The following COL11A1 variants were observed in gnomAD, a reference collection of about 807,000 sequenced individuals.
COL11A1 encodes collagen type XI alpha 1 chain.
Under a neutral mutation model 265.2 loss-of-function variants are expected in COL11A1, and 74 were observed. That is an observed-to-expected ratio of 0.28 (90% CI 0.23 to 0.34). The LOEUF is 0.34. Among genes scored for constraint, COL11A1 ranks in the 10% least tolerant of loss-of-function variants. The pLI is 1.00. For missense variants in COL11A1, 2,165 were observed against 2,263.6 expected (o/e 0.96, Z 0.88); for synonymous variants, 816 against 727.6 (o/e 1.12, Z -1.96).
chr1:103,086,705 C>T (rs560196447), intron 1 of COL11A1, among the ~76,000 whole-genome samples: 64 of 152,264 alleles, frequency 4.2e-4, no homozygotes, highest in African/African-American at 1.4e-3. Context: ...CGTGAGCCAC[C>T]GCGCCCGGCA....
At chr1:102,903,371 T>A (rs1011549019) in intron 54 of COL11A1, among the ~76,000 whole-genome samples, 1 of 152,176 alleles carries the variant, frequency 6.6e-6, no homozygotes, top group African/African-American at 2.4e-5. Flanking sequence ...ATGCGTAAGA[T>A]TCAATCACAG....
chr1:102,905,328 C>G, intron 54 of COL11A1, among the ~76,000 whole-genome samples: 1 of 147,790 alleles, frequency 6.8e-6, no homozygotes, highest in African/African-American at 2.5e-5. Flanking sequence ...ACATATGTAA[C>G]AAACCTACAG....
chr1:102,996,169 T>G (rs1664606757), intron 26 of COL11A1, 127 bp from the exon 27 acceptor site: 2 of 885,792 alleles, frequency 2.3e-6, no homozygotes, highest in Non-Finnish European at 1.8e-6. Context: ...TGATAAAGAC[T>G]TTTTGGTAGT....
At chr1:103,092,247 T>C (rs143426049) in intron 1 of COL11A1, among the ~76,000 whole-genome samples, 1,588 of 152,208 alleles carry the variant, frequency 0.01, 17 homozygotes, top group Non-Finnish European at 0.017. Flanking sequence ...TGAATATGGT[T>C]CAATACATAA....
In COL11A1 at chr1:102,939,224, C is replaced by T. The variant is rs892008266; in HGVS notation, c.3385-136G>A. 13 of 808,296 alleles carry T rather than the reference C, an allele frequency of 1.6e-5. No homozygotes were observed. The South Asian group carries it at 1.8e-4, about 11-fold the overall frequency. The allele number at this position is 808,296 out of a possible 1,614,324, so 50.1% of individuals were successfully genotyped here. A position where few individuals can be genotyped will look rare whatever the true frequency, so the allele number is the denominator to read the frequency against. Reference sequence around the variant, plus strand: ...AATGTCACTGTTTAAAATGGAAAATCTTGGGTTCCCACTGCTTCTAGCTTT... The same window carrying T: ...AATGTCACTGTTTAAAATGGAAAATTTTGGGTTCCCACTGCTTCTAGCTTT... On this transcript the variant is annotated intron_variant, in intron 43 of 66. Coordinates refer to ENST00000370096, the MANE Select transcript of COL11A1 (RefSeq NM_001854.4).
chr1:103,036,515 C>A (rs1668384963), intron 4 of COL11A1, among the ~76,000 whole-genome samples: 1 of 150,908 alleles, frequency 6.6e-6, no homozygotes, highest in South Asian at 2.1e-4. Flanking sequence ...TGGAATCCTG[C>A]CAACTTTTCC....
chr1:103,104,829 C>T (rs1674566455), intron 1 of COL11A1, among the ~76,000 whole-genome samples: 1 of 152,144 alleles, frequency 6.6e-6, no homozygotes, highest in South Asian at 2.1e-4. Context: ...ATCTGAGTTT[C>T]TGATTTCTGA....
chr1:102,968,426 C>G (rs75139950), intron 37 of COL11A1, among the ~76,000 whole-genome samples: 1,864 of 152,096 alleles, frequency 0.012, 46 homozygotes, highest in African/African-American at 0.042. Context: ...TTAAGGCCAC[C>G]AGGAAAAATT....
At position 102,976,289 on chromosome 1, in the gene COL11A1, C is replaced by CTTTTTTTTTTTTTTTTTTTTTTTTTTTT. The variant is rs149842131; in HGVS notation, c.2755-1407_2755-1406insAAAAAAAAAAAAAAAAAAAAAAAAAAAA. 4.9e-4 allele frequency among the ~76,000 whole-genome samples: 29 copies of CTTTTTTTTTTTTTTTTTTTTTTTTTTTT among 58,602 alleles called. 7 individuals carry two copies. The highest frequency in any genetic ancestry group is 7.1e-4 in the Non-Finnish European group (22 of 31,088). The allele number at this position is 58,602 out of a possible 152,430, so 38.4% of individuals were successfully genotyped here. A position where few individuals can be genotyped will look rare whatever the true frequency, so the allele number is the denominator to read the frequency against. On this transcript the variant is annotated intron_variant, in intron 35 of 66. Transcript: ENST00000370096. ...TATAAAATTTCACAGAAAACGTTGG[C>CTTTTTTTTTTTTTTTTTTTTTTTTTTTT]TTTTTTTTTTTTTTTTTTTTTTTTT...
chr1:102,910,507 G>A (rs979471268), intron 54 of COL11A1, among the ~76,000 whole-genome samples: 3 of 152,076 alleles, frequency 2.0e-5, no homozygotes, highest in African/African-American at 7.2e-5. Context: ...TTTTGATATA[G>A]TCTCTCCTTT....
chr1:103,050,404 G>T, intron 4 of COL11A1, among the ~76,000 whole-genome samples: 1 of 152,106 alleles, frequency 6.6e-6, no homozygotes, highest in East Asian at 1.9e-4. Flanking sequence ...GGCTACTGAG[G>T]ATTCTGCATT....
intron 46 of COL11A1, 129 bp from the exon 47 acceptor site, chr1:102,923,518 C>A (rs909824600): frequency 2.4e-5 from 17 of 718,200 alleles, no homozygotes; most frequent in Middle Eastern, 3.7e-4. Context: ...CAGATACTAA[C>A]ATTTGTTAAA....
intron 3 of COL11A1, among the ~76,000 whole-genome samples, chr1:103,075,644 A>G (rs1671918591): frequency 6.6e-6 from 1 of 152,156 alleles, no homozygotes; most frequent in Non-Finnish European, 1.5e-5. Flanking sequence ...AAACCATTAA[A>G]TGAAGCCCAC....
intron 46 of COL11A1, among the ~76,000 whole-genome samples, chr1:102,933,820 A>C (rs1657831131): frequency 6.6e-6 from 1 of 152,164 alleles, no homozygotes; most frequent in Admixed American, 6.5e-5. Flanking sequence ...CGGTCGGAAA[A>C]GTGCAGTATT....
rs762282588 is a variant in COL11A1, at chr1:102,889,441, A to G, written c.4464+14T>C. ...TGGAAATGAGTAGAAAAAATAACCT[A>G]TATTTTTACTCACCCCATCCCCTTT... On this transcript the variant is annotated intron_variant, in intron 59 of 66. Transcript: ENST00000370096. 10 of 1,578,214 alleles carry G rather than the reference A, an allele frequency of 6.3e-6. No individual in the cohort carries two copies. In the East Asian group the frequency reaches 2.0e-4, roughly 32 times the overall value.
chr1:102,984,522 T>A (rs1246383054), intron 30 of COL11A1, among the ~76,000 whole-genome samples: 1 of 152,024 alleles, frequency 6.6e-6, no homozygotes, highest in Non-Finnish European at 1.5e-5. Flanking sequence ...ACTTCTAAGC[T>A]TTTTCAACAT....
chr1:103,059,443 C>T (rs1192145389), intron 4 of COL11A1, among the ~76,000 whole-genome samples: 1 of 152,062 alleles, frequency 6.6e-6, no homozygotes, highest in Non-Finnish European at 1.5e-5. Flanking sequence ...TTCTTTTACC[C>T]AGTGCATCAT....
chr1:102,952,074 T>C (rs1659942697), intron 41 of COL11A1, among the ~76,000 whole-genome samples: 1 of 152,162 alleles, frequency 6.6e-6, no homozygotes, highest in African/African-American at 2.4e-5. Context: ...TTTGACTCTA[T>C]GGCAATGTGT....
intron 42 of COL11A1, among the ~76,000 whole-genome samples, chr1:102,943,982 T>G (rs1338888703): frequency 2.0e-5 from 3 of 152,112 alleles, no homozygotes; most frequent in African/African-American, 7.2e-5. Flanking sequence ...AGCCCCTTTC[T>G]TCTTACCTGC....
Sources: allele counts gnomAD v4.1 joint callset (sites outside exome capture counted in the v4.1 genomes callset), GRCh38; gene constraint gnomAD v4.1.1; transcripts MANE v1.5; gene names NCBI Gene and HGNC (gene_info 2026-07-23, HGNC 2026-07-21).